Variants in SPAG16 observed in about 807,000 individuals in gnomAD.
The protein encoded by SPAG16 is sperm associated antigen 16, also known as sperm-associated antigen 16 protein.
In SPAG16, 86 loss-of-function variants were observed where a neutral mutation model predicts 80.4. The ratio of observed to expected loss-of-function variants is 1.07; its 90% confidence interval spans 0.90 to 1.28. The LOEUF is 1.28. Ranked by LOEUF, SPAG16 falls within the 50% of genes most tolerant of loss-of-function variation. The pLI, the probability that SPAG16 is intolerant of heterozygous loss-of-function variation, is 0.00. For synonymous variants in SPAG16, 294 were observed against 265.9 expected (o/e 1.11, Z -1.03); for missense variants, 870 against 765.3 (o/e 1.14, Z -1.61).
intron 10 of SPAG16, among the ~76,000 whole-genome samples, chr2:213,838,714 A>C (rs1013006929): frequency 6.6e-6 from 1 of 152,252 alleles, no homozygotes; most frequent in African/African-American, 2.4e-5. Context: ...ACAGAGCACA[A>C]GAAGCTGATT....
rs572218859 is a variant in SPAG16, at chr2:214,197,206, T to C, written c.1720+47940T>C. ...TATTGACTTGCAATATTATTTAGAG[T>C]TCTGATACAATATATCTTAAACACT... is the stretch of plus-strand genomic sequence containing the variant. On this transcript the variant is annotated intron_variant, in intron 15 of 15. Coordinates refer to ENST00000331683, the MANE Select transcript of SPAG16 (RefSeq NM_024532.5). 1.4e-4 allele frequency among the ~76,000 whole-genome samples: 22 copies of C among 152,132 alleles called. No homozygotes were observed. The South Asian group carries it at 3.5e-3, about 24-fold the overall frequency.
chr2:214,088,207 GA>G (rs200430093), intron 13 of SPAG16, among the ~76,000 whole-genome samples: 16 of 150,636 alleles, frequency 1.1e-4, no homozygotes, highest in South Asian at 4.2e-4. Flanking sequence ...AAAAATATTG[GA>G]AAAAAAAATT....
At chr2:213,747,622 G>T (rs946135338) in intron 10 of SPAG16, among the ~76,000 whole-genome samples, 1 of 152,042 alleles carries the variant, frequency 6.6e-6, no homozygotes, top group South Asian at 2.1e-4. Flanking sequence ...TACAATATTC[G>T]GTATGGTAAC....
intron 9 of SPAG16, among the ~76,000 whole-genome samples, chr2:213,409,037 G>GA (rs1174706687): frequency 1.8e-4 from 26 of 144,958 alleles, no homozygotes; most frequent in Non-Finnish European, 2.6e-4. Flanking sequence ...CTTCAAGAGG[G>GA]AAAAAAAAAA....
chr2:213,818,454 G>C (rs2072708883), intron 10 of SPAG16, among the ~76,000 whole-genome samples: 1 of 152,144 alleles, frequency 6.6e-6, no homozygotes, highest in South Asian at 2.1e-4. Flanking sequence ...CCCCTATGAA[G>C]AGTGTATATG....
At chr2:214,363,143 C>T (rs1021697044) in intron 15 of SPAG16, among the ~76,000 whole-genome samples, 1 of 151,872 alleles carries the variant, frequency 6.6e-6, no homozygotes, top group Admixed American at 6.6e-5. Context: ...TTTTCTTCCC[C>T]ATCAATAATT....
At chr2:213,893,439 G>T (rs1299090396) in intron 11 of SPAG16, among the ~76,000 whole-genome samples, 1 of 152,114 alleles carries the variant, frequency 6.6e-6, no homozygotes, top group African/African-American at 2.4e-5. Context: ...CCGTAATTGT[G>T]GTGTGCAATT....
At chr2:213,558,194 C>T (rs551644566) in intron 10 of SPAG16, among the ~76,000 whole-genome samples, 1 of 152,056 alleles carries the variant, frequency 6.6e-6, no homozygotes, top group Admixed American at 6.5e-5. Flanking sequence ...AAAATTAGCC[C>T]CATAGCCACA....
intron 10 of SPAG16, among the ~76,000 whole-genome samples, chr2:213,624,720 T>G (rs148571442): frequency 6.6e-6 from 1 of 152,300 alleles, no homozygotes; most frequent in Non-Finnish European, 1.5e-5. Flanking sequence ...AAGCAGATAA[T>G]AGGAATTCAT....
In SPAG16 at chr2:213,411,768, C is replaced by G. The variant is rs143231907; in HGVS notation, c.942+36649C>G. 1.4e-4 allele frequency among the ~76,000 whole-genome samples: 22 copies of G among 152,174 alleles called. No individual in the cohort carries two copies. The East Asian group carries it at 4.1e-3, about 28-fold the overall frequency. The stretch of plus-strand genomic sequence containing the variant: ...ATTCTTGTCAAGTGCTGTGTCATAC[C>G]ATACATCCGTAAGTAGATGCAGAGG... On this transcript the variant is annotated intron_variant, in intron 9 of 15. Coordinates refer to ENST00000331683, the MANE Select transcript of SPAG16 (RefSeq NM_024532.5).
chr2:213,989,174 C>T lies in SPAG16; in HGVS notation c.1401-24777C>T, dbSNP rs181185705. The stretch of plus-strand genomic sequence containing the variant: ...CTGCTAGGACAATAAGAATGATTCT[C>T]CAATTAGTTACTGCTTGTTTTGTGG... On this transcript the variant is annotated intron_variant, in intron 12 of 15. Transcript: ENST00000331683. Among the ~76,000 whole-genome samples the T allele has an allele frequency of 3.9e-5, 6 of 152,218 alleles. No individual in the cohort carries two copies. The East Asian group carries it at 1.2e-3, about 29-fold the overall frequency.
At chr2:214,280,447 AAC>A (rs1391543127) in intron 15 of SPAG16, among the ~76,000 whole-genome samples, 2 of 152,244 alleles carry the variant, frequency 1.3e-5, no homozygotes, top group Non-Finnish European at 2.9e-5. Flanking sequence ...TTGGAGTAGT[AAC>A]ACTATCTGCT....
chr2:213,374,870 T>C lies in SPAG16; in HGVS notation c.833-140T>C, dbSNP rs2066808033. On this transcript the variant is annotated intron_variant, in intron 8 of 15. Coordinates refer to ENST00000331683, the MANE Select transcript of SPAG16 (RefSeq NM_024532.5). ...TTGAGACCACACATAAAGCATTTGG[T>C]ATGGTTTGGGTATCAATAATTTAAT... The C allele has an allele frequency of 5.0e-6, 3 of 598,600 alleles. No individual in the cohort carries two copies. The East Asian group carries it at 9.1e-5, about 18-fold the overall frequency. The allele number at this position is 598,600 out of a possible 1,614,324, so 37.1% of individuals were successfully genotyped here.
chr2:213,383,082 G>T (rs190842317), intron 9 of SPAG16, among the ~76,000 whole-genome samples: 1 of 151,950 alleles, frequency 6.6e-6, no homozygotes, highest in African/African-American at 2.4e-5. Context: ...TCTCAATCTT[G>T]TACCCCATTA....
At chr2:213,504,539 C>G (rs1005417868) in intron 10 of SPAG16, among the ~76,000 whole-genome samples, 4 of 151,326 alleles carry the variant, frequency 2.6e-5, no homozygotes, top group African/African-American at 7.3e-5. Flanking sequence ...GCCTAGTAAA[C>G]AAAAATATAT....
intron 13 of SPAG16, among the ~76,000 whole-genome samples, chr2:214,065,560 A>T (rs1480591527): frequency 6.6e-6 from 1 of 151,496 alleles, no homozygotes; most frequent in African/African-American, 2.4e-5. Context: ...AAGGGATTCA[A>T]ATTCACTTGA....
At chr2:213,601,957 T>C (rs112727626) in intron 10 of SPAG16, among the ~76,000 whole-genome samples, 8,840 of 152,220 alleles carry the variant, frequency 0.058, 848 homozygotes, top group African/African-American at 0.2. Flanking sequence ...TCATCAGGCA[T>C]TGGTTAGAGT....
At chr2:213,411,562 C>T (rs2068966637) in intron 9 of SPAG16, among the ~76,000 whole-genome samples, 1 of 152,196 alleles carries the variant, frequency 6.6e-6, no homozygotes, top group Non-Finnish European at 1.5e-5. Flanking sequence ...TCCCAAACAA[C>T]ACTGCCCCCA....
chr2:214,186,226 C>G (rs1912210), intron 15 of SPAG16, among the ~76,000 whole-genome samples: 17,303 of 152,110 alleles, frequency 0.11, 1,577 homozygotes, highest in East Asian at 0.43. Context: ...ATAAGCTCCC[C>G]ACTGCCACAG....
Sources: allele counts gnomAD v4.1 joint callset (sites outside exome capture counted in the v4.1 genomes callset), GRCh38; gene constraint gnomAD v4.1.1; transcripts MANE v1.5; gene names NCBI Gene and HGNC (gene_info 2026-07-23, HGNC 2026-07-21).